The following ARID3B variants were observed in gnomAD, a reference collection of about 807,000 sequenced individuals.
ARID3B encodes AT-rich interactive domain-containing protein 3B.
In ARID3B, 10 loss-of-function variants were observed where a neutral mutation model predicts 51.9. The observed-to-expected ratio is 0.19, with a 90% confidence interval of 0.12 to 0.33. ARID3B has a LOEUF of 0.33. Among genes scored for constraint, ARID3B ranks in the 10% least tolerant of loss-of-function variants. The pLI, the probability that ARID3B is intolerant of heterozygous loss-of-function variation, is 1.00. For synonymous variants in ARID3B, 205 were observed against 279.5 expected, an observed-to-expected ratio of 0.73 and a Z score of 2.66; for missense variants, 483 against 716.3, an observed-to-expected ratio of 0.67 and a Z score of 3.72.
chr15:74,578,068 G>A (rs2061744365), intron 4 of ARID3B, among the ~76,000 whole-genome samples: 1 of 151,988 alleles, frequency 6.6e-6, no homozygotes, highest in Admixed American at 6.6e-5. Context: ...TGTTGGCCAG[G>A]CTGGTCTCAA....
At chr15:74,565,248 C>G (rs969073446) in intron 2 of ARID3B, among the ~76,000 whole-genome samples, 2 of 151,532 alleles carry the variant, frequency 1.3e-5, no homozygotes, top group Non-Finnish European at 2.9e-5. Context: ...GATGGAGTCT[C>G]CATATGTTTC....
At position 74,544,161 on chromosome 15, in the gene ARID3B, C is replaced by T. The variant is rs372387269; in HGVS notation, c.225C>T (p.Thr75=). The T allele has an allele frequency of 2.7e-5, 43 of 1,613,618 alleles. No homozygotes were observed. Among genetic ancestry groups the T allele is most frequent in the Admixed American group, 1.7e-4 (10 of 59,960 alleles). ...GTCCCTTAGCCAGAGTTCCACCCAC[C>T]GCAGCAGTGGCCCAAGTGTTTGAAC... The part of the protein sequence containing the change: ...PLGPLARVPP[T]AAVAQVFERG... The change falls in exon 2 of 9, where the codon ACC becomes ACT. Residue 75 remains threonine (T), a synonymous_variant. Coordinates refer to ENST00000346246, the MANE Select transcript of ARID3B (RefSeq NM_006465.4).
chr15:74,553,831 A>AT (rs2061646706), intron 2 of ARID3B, among the ~76,000 whole-genome samples: 2 of 147,520 alleles, frequency 1.4e-5, no homozygotes, highest in South Asian at 2.1e-4. Flanking sequence ...TTATTTATTT[A>AT]TTATTTTTTG....
intron 8 of ARID3B, among the ~76,000 whole-genome samples, chr15:74,593,647 C>G (rs1038853084): frequency 6.6e-6 from 1 of 152,202 alleles, no homozygotes; most frequent in Non-Finnish European, 1.5e-5. Flanking sequence ...CTCCCTGCCC[C>G]CCAGTCTTTT....
At chr15:74,585,872 C>T (rs983002582) in intron 4 of ARID3B, among the ~76,000 whole-genome samples, 3 of 152,214 alleles carry the variant, frequency 2.0e-5, no homozygotes, top group Admixed American at 1.3e-4. Flanking sequence ...GAATCAAAGA[C>T]GCGGCAGGCT....
intron 2 of ARID3B, among the ~76,000 whole-genome samples, chr15:74,567,744 T>G (rs1318891683): frequency 1.3e-5 from 2 of 152,298 alleles, no homozygotes; most frequent in Admixed American, 1.3e-4. Flanking sequence ...AACTTCTGCC[T>G]ATCACACTAG....
intron 2 of ARID3B, among the ~76,000 whole-genome samples, chr15:74,566,359 G>C (rs530790415): frequency 6.6e-6 from 1 of 152,068 alleles, no homozygotes; most frequent in South Asian, 2.1e-4. Flanking sequence ...CATCACTTGG[G>C]GAGGCTGAGA....
intron 2 of ARID3B, among the ~76,000 whole-genome samples, chr15:74,549,336 A>G (rs983310459): frequency 2.0e-5 from 3 of 151,746 alleles, no homozygotes; most frequent in Admixed American, 1.3e-4. Context: ...CGGCCTCCCA[A>G]AGTGCTGGGA....
chr15:74,585,133 C>CT (rs2061775617), intron 4 of ARID3B, among the ~76,000 whole-genome samples: 1 of 152,216 alleles, frequency 6.6e-6, no homozygotes. Flanking sequence ...CAGGTGCTCA[C>CT]CCCCTTCTGG....
intron 2 of ARID3B, among the ~76,000 whole-genome samples, chr15:74,554,209 A>G (rs1160885647): frequency 4.0e-5 from 6 of 151,844 alleles, no homozygotes; most frequent in African/African-American, 1.5e-4. Flanking sequence ...GGGTTTCTCC[A>G]TGTTGGTCAG....
In ARID3B at chr15:74,591,869, C is replaced by A; in HGVS notation, c.1420+55C>A. 2 of 1,582,908 alleles carry A rather than the reference C, an allele frequency of 1.3e-6. No individual in the cohort carries two copies. Among genetic ancestry groups the A allele is most frequent in the Non-Finnish European group, 8.6e-7 (1 of 1,161,746 alleles). ...TTCCTGGAAACCCCAAGCCCATTCA[C>A]GCCTCCTGGGACTGGTGGGGCAGGG... is the stretch of plus-strand genomic sequence containing the variant. On this transcript the variant is annotated intron_variant, in intron 7 of 8. Transcript: ENST00000346246. The surrounding 1 kb of genome is among the most constrained non-coding windows in gnomAD (Gnocchi z 5.8).
At chr15:74,553,238 A>C (rs2061644530) in intron 2 of ARID3B, among the ~76,000 whole-genome samples, 1 of 152,264 alleles carries the variant, frequency 6.6e-6, no homozygotes, top group African/African-American at 2.4e-5. Context: ...ATACAGGTAT[A>C]GTATGCTGTC....
chr15:74,573,013 C>A (rs1438835620), intron 3 of ARID3B, 80 bp downstream of exon 3: 65 of 1,587,400 alleles, frequency 4.1e-5, no homozygotes, highest in Non-Finnish European at 5.4e-5. Flanking sequence ...GAAATAAGGA[C>A]CAAGGTAGCC....
rs180939011 is a variant in ARID3B, at chr15:74,579,418, G to A, written c.697+6214G>A. ...GCAAAGCCAGGGCTAACATCCCTTC[G>A]TTCTCCTGATCTTGAGCACATCCTC... On this transcript the variant is annotated intron_variant, in intron 4 of 8. Coordinates refer to ENST00000346246, the MANE Select transcript of ARID3B (RefSeq NM_006465.4). Among the ~76,000 whole-genome samples, 16 of 152,194 alleles carry A rather than the reference G, an allele frequency of 1.1e-4. No individual in the cohort carries two copies. The East Asian group carries it at 1.7e-3, about 17-fold the overall frequency.
In ARID3B at chr15:74,555,265, G is replaced by A. The variant is rs182368058; in HGVS notation, c.552+10777G>A. On this transcript the variant is annotated intron_variant, in intron 2 of 8. Transcript: ENST00000346246. ...CTGACTGATCTAGGTGCTGGGTACT[G>A]AAGCTTGGAGTGGCTGTGGCAATTT... 3.3e-3 allele frequency among the ~76,000 whole-genome samples: 497 copies of A among 152,300 alleles called. 2 individuals carry two copies. Among genetic ancestry groups the A allele is most frequent in the African/African-American group, 0.011 (476 of 41,556 alleles).
intron 2 of ARID3B, among the ~76,000 whole-genome samples, chr15:74,562,440 C>G (rs147466926): frequency 1.3e-3 from 204 of 152,328 alleles, no homozygotes; most frequent in African/African-American, 4.8e-3. Flanking sequence ...CATGCCCAGT[C>G]CAATATTTTC....
intron 4 of ARID3B, among the ~76,000 whole-genome samples, chr15:74,582,160 T>G (rs1038884121): frequency 2.0e-5 from 3 of 151,770 alleles, no homozygotes; most frequent in Admixed American, 6.6e-5. Flanking sequence ...GCAGTTGTCA[T>G]AGCCATAATC....
Position 74,584,017 on chromosome 15 carries a change from C to T in ARID3B, c.698-5803C>T, listed in dbSNP as rs116918301. Among the ~76,000 whole-genome samples the T allele has an allele frequency of 6.0e-3, 911 of 152,284 alleles. 4 individuals are homozygous for T. Among genetic ancestry groups the T allele is most frequent in the Non-Finnish European group, 0.011 (715 of 68,028 alleles). ...GGAGACCTTTTTCCTTTTCCTTTCC[C>T]GTTTCTTTTTCCTTTCCCTTTCCTA... On this transcript the variant is annotated intron_variant, in intron 4 of 8. Transcript: ENST00000346246.
chr15:74,595,808 C>T lies in ARID3B; in HGVS notation c.*34C>T. 6.3e-7 allele frequency: 1 copy of T among 1,583,014 alleles called. No homozygotes were observed. Among genetic ancestry groups the T allele is most frequent in the Non-Finnish European group, 8.6e-7 (1 of 1,163,628 alleles). ...ACCCAGCTTCCCACTTGCCACTCTCCTGTCGAGAGTGAAGGAAGTTGATGC... is the reference window on the plus strand; with the variant it reads ...ACCCAGCTTCCCACTTGCCACTCTCTTGTCGAGAGTGAAGGAAGTTGATGC... On this transcript the variant is annotated 3_prime_UTR_variant, in exon 9 of 9. Transcript: ENST00000346246.
Sources: gnomAD v4.1 joint callset for allele counts (sites outside exome capture counted in the v4.1 genomes callset) on GRCh38, gnomAD v4.1.1 for gene constraint, Gnocchi (gnomAD v3.1) non-coding constraint, MANE v1.5 for transcripts, NCBI Gene and HGNC (gene_info 2026-07-23, HGNC 2026-07-21) for gene names.